The following PGAP2 variants were observed in gnomAD, a reference collection of about 807,000 sequenced individuals.
The protein encoded by PGAP2 is acyltransferase PGAP2.
PGAP2 carries 21 observed loss-of-function variants against 33.2 expected under a neutral mutation model. The ratio of observed to expected loss-of-function variants is 0.63; its 90% CI spans 0.45 to 0.91. The LOEUF is 0.91. Ranked by LOEUF, PGAP2 falls within the 40% of genes least tolerant of loss-of-function variation. The probability of loss-of-function intolerance (pLI) is 0.00; values close to 1 mark genes in which losing one functional copy is unlikely to be tolerated. For missense variants in PGAP2, 345 were observed against 424.0 expected, an observed-to-expected ratio of 0.81 and a Z score of 1.64; for synonymous variants, 161 against 172.9, an observed-to-expected ratio of 0.93 and a Z score of 0.54.
intron 1 of PGAP2, among the ~76,000 whole-genome samples, chr11:3,809,315 G>T (rs1331340524): frequency 1.3e-5 from 2 of 152,204 alleles, no homozygotes; most frequent in Non-Finnish European, 2.9e-5. Flanking sequence ...GTGTGGAGTA[G>T]AATGACCAAG....
Position 3,811,102 on chromosome 11 carries a change from A to C in PGAP2, c.-10-148A>C. The C allele has an allele frequency of 1.5e-5, 9 of 608,372 alleles. No homozygotes were observed. The highest frequency in any genetic ancestry group is 2.1e-5 in the South Asian group (1 of 46,622). The allele number at this position is 608,372 out of a possible 1,614,324, so 37.7% of individuals were successfully genotyped here. A position where few individuals can be genotyped will look rare whatever the true frequency, so the allele number is the denominator to read the frequency against. ...GAGTCAGTCTTCCTCATCCAGGGCAAGAGCTATCCAAGTTTAGGTGCCTTC... is the reference window on the plus strand; with the variant it reads ...GAGTCAGTCTTCCTCATCCAGGGCACGAGCTATCCAAGTTTAGGTGCCTTC... On this transcript the variant is annotated intron_variant, in intron 1 of 6. Transcript: ENST00000278243. The surrounding 1 kb of genome is among the most constrained non-coding windows in gnomAD (Gnocchi z 4.6).
At chr11:3,824,406 G>A (rs1282579333) in intron 5 of PGAP2, 30 bp downstream of exon 5, 6 of 1,614,010 alleles carry the variant, frequency 3.7e-6, no homozygotes, top group Non-Finnish European at 5.1e-6. Flanking sequence ...GGGGCTCCAA[G>A]GCAGCCCAGA....
chr11:3,824,223 G>A, intron 4 of PGAP2, 47 bp from the exon 5 acceptor site: 3 of 1,613,052 alleles, frequency 1.9e-6, no homozygotes, highest in South Asian at 2.2e-5. Flanking sequence ...CTACTTCGTG[G>A]TGTGGGCACT....
At chr11:3,812,034 C>T (rs758659131) in intron 2 of PGAP2, among the ~76,000 whole-genome samples, 7 of 151,822 alleles carry the variant, frequency 4.6e-5, no homozygotes, top group Non-Finnish European at 8.8e-5. Context: ...TGATTATGTA[C>T]GTGTGTATGT....
At chr11:3,810,971 G>A (rs1265983923) in intron 1 of PGAP2, among the ~76,000 whole-genome samples, 1 of 152,220 alleles carries the variant, frequency 6.6e-6, no homozygotes. Flanking sequence ...GCTAGGCAGA[G>A]AGGAGTGAGG....
chr11:3,813,354 C>G (rs2134436997), intron 2 of PGAP2, among the ~76,000 whole-genome samples: 1 of 151,850 alleles, frequency 6.6e-6, no homozygotes, highest in African/African-American at 2.4e-5. Flanking sequence ...GTAGTTAGGA[C>G]TACAGATGTG....
At chr11:3,815,189 C>A (rs190606162) in intron 2 of PGAP2, among the ~76,000 whole-genome samples, 1 of 152,034 alleles carries the variant, frequency 6.6e-6, no homozygotes, top group African/African-American at 2.4e-5. Flanking sequence ...ACTTACTTTC[C>A]GGTGAGTCTC....
rs759103203 is a variant in PGAP2 at position 3,817,560 on chromosome 11, G to A, written c.348+25G>A. 17 of 1,604,966 alleles carry A rather than the reference G, an allele frequency of 1.1e-5. No individual in the cohort carries two copies. The East Asian group carries it at 3.8e-4, about 36-fold the overall frequency. ...GGTGAGTGCCAGCTCCCCAGCCCCT[G>A]GGTCAGGGCCAGGTCAGGAGGTGGC... On this transcript the variant is annotated intron_variant, in intron 3 of 6. Transcript: ENST00000278243.
intron 3 of PGAP2, chr11:3,822,929 T>G: frequency 6.5e-7 from 1 of 1,539,674 alleles, no homozygotes; most frequent in East Asian, 2.5e-5. Flanking sequence ...TCAATAGGAG[T>G]TCCAGGCATT....
At chr11:3,806,613 G>A (rs2084387316), upstream of PGAP2, among the ~76,000 whole-genome samples, 1 of 152,190 alleles carries the variant, frequency 6.6e-6, no homozygotes, top group Admixed American at 6.5e-5. Context: ...GGCATTAACA[G>A]CATATAGTGG....
At chr11:3,808,094 T>C, upstream of PGAP2, 1 of 1,447,564 alleles carries the variant, frequency 6.9e-7, no homozygotes, top group Non-Finnish European at 9.1e-7. Flanking sequence ...AAAGGTGCTC[T>C]TCCCATTGCT....
intron 3 of PGAP2, among the ~76,000 whole-genome samples, chr11:3,820,981 G>C (rs1210874151): frequency 6.6e-6 from 1 of 152,224 alleles, no homozygotes; most frequent in African/African-American, 2.4e-5. Flanking sequence ...ACTCAGCTTT[G>C]TGCAGTTCCT....
intron 3 of PGAP2, chr11:3,817,794 C>T: frequency 1.6e-6 from 1 of 618,554 alleles, no homozygotes; most frequent in South Asian, 1.5e-5. Flanking sequence ...TACCTGTAAT[C>T]TCAGCACCTC....
In PGAP2 at chr11:3,800,710, G is replaced by A. The variant is rs189406201; in HGVS notation, c.139+2728G>A. On this transcript the variant is annotated intron_variant, in intron 1 of 6. Coordinates refer to the PGAP2 transcript ENST00000300730. Reference sequence around the variant, plus strand: ...ACCTGTAGTCCCAGCTACTTGGGAGGCTGAGGCAGGAGAATTGCTTGAACC... The same window carrying A: ...ACCTGTAGTCCCAGCTACTTGGGAGACTGAGGCAGGAGAATTGCTTGAACC... 4.8e-3 allele frequency among the ~76,000 whole-genome samples: 726 copies of A among 151,658 alleles called. 9 individuals carry two copies. Among genetic ancestry groups the A allele is most frequent in the African/African-American group, 0.016 (677 of 41,244 alleles).
chr11:3,808,156 G>C (rs1564987462), upstream of PGAP2: 2 of 1,458,374 alleles, frequency 1.4e-6, no homozygotes, highest in Non-Finnish European at 1.9e-6. Context: ...GGGCGCCAGG[G>C]CTGGGAGGAA....
chr11:3,808,183 A>T, upstream of PGAP2: 1 of 1,490,282 alleles, frequency 6.7e-7, no homozygotes, highest in South Asian at 1.2e-5. Context: ...TTAATGTTTC[A>T]GAAGGGCGAG....
Position 3,824,320 on chromosome 11 carries a change from A to G in PGAP2, c.652A>G (p.Met218Val), listed in dbSNP as rs1303247220. 1.9e-6 allele frequency: 3 copies of G among 1,614,210 alleles called. No homozygotes were observed. The highest frequency in any genetic ancestry group is 2.5e-6 in the Non-Finnish European group (3 of 1,180,042). The change falls in exon 5 of 7, where the codon ATG becomes GTG. Residue 218 changes from methionine (M) to valine (V), a missense_variant. Physicochemically the swap from Met to Val is conservative, Grantham distance 21 (BLOSUM62 1). Around this residue, in one of 2 missense-constraint regions of PGAP2, gnomAD observed 311 missense variants for 353.6 expected, o/e 0.88. Coordinates refer to ENST00000278243, the MANE Select transcript of PGAP2 (RefSeq NM_014489.4). ...IVFIASSLGHMLLTCILWRLT... is the reference protein window; with the variant it reads ...IVFIASSLGHVLLTCILWRLT... ...GTTCATTGCCTCATCCCTCGGGCAC[A>G]TGCTCCTCACCTGCATTCTCTGGCG...
chr11:3,810,290 G>A (rs936218317), intron 1 of PGAP2, among the ~76,000 whole-genome samples: 1 of 152,198 alleles, frequency 6.6e-6, no homozygotes, highest in Non-Finnish European at 1.5e-5. Context: ...TTCAGACACA[G>A]AGAGGAAGGG....
chr11:3,799,872 T>C (rs575164542), intron 1 of PGAP2, among the ~76,000 whole-genome samples: 18 of 152,014 alleles, frequency 1.2e-4, no homozygotes, highest in African/African-American at 3.9e-4. Flanking sequence ...GAGGCTGAAG[T>C]AGGAGGATCG....
Sources: gnomAD v4.1 joint callset for allele counts (sites outside exome capture counted in the v4.1 genomes callset) on GRCh38, gnomAD v4.1.1 for gene constraint, gnomAD v4.1.1 regional missense constraint, Gnocchi (gnomAD v3.1) non-coding constraint, MANE v1.5 for transcripts, NCBI Gene and HGNC (gene_info 2026-07-23, HGNC 2026-07-21) for gene names.